Variants in COLEC12 observed in about 807,000 individuals in gnomAD.
The protein encoded by COLEC12 is collectin subfamily member 12.
In COLEC12, 33 loss-of-function variants were observed where a neutral mutation model predicts 71.1. That is an observed-to-expected ratio of 0.46 (90% CI 0.35 to 0.62). COLEC12 has a LOEUF of 0.62. Ranked by LOEUF, COLEC12 falls within the 20% of genes least tolerant of loss-of-function variation. COLEC12 has a pLI of 0.00. For synonymous variants in COLEC12, 350 were observed against 353.0 expected (o/e 0.99, Z 0.10); for missense variants, 765 against 916.1 (o/e 0.84, Z 2.13).
chr18:436,539 GA>G (rs1330848311), intron 2 of COLEC12, among the ~76,000 whole-genome samples: 2 of 60,056 alleles, frequency 3.3e-5, no homozygotes, highest in Admixed American at 1.9e-4. Context: ...GGGGGGGGGG[GA>G]AACAGGGGTG....
intron 2 of COLEC12, among the ~76,000 whole-genome samples, chr18:376,041 T>C (rs1915106079): frequency 6.6e-6 from 1 of 152,204 alleles, no homozygotes; most frequent in Non-Finnish European, 1.5e-5. Context: ...TCCACATTAG[T>C]GACTGGCAGA....
intron 3 of COLEC12, among the ~76,000 whole-genome samples, chr18:356,619 C>A (rs1914633607): frequency 6.6e-6 from 1 of 152,230 alleles, no homozygotes; most frequent in Admixed American, 6.5e-5. Context: ...TGCCTCTGTT[C>A]TGAAACCAAA....
chr18:444,191 T>A (rs1271751134), intron 2 of COLEC12, among the ~76,000 whole-genome samples: 2 of 152,256 alleles, frequency 1.3e-5, no homozygotes, highest in Non-Finnish European at 2.9e-5. Flanking sequence ...TGAGCAAGTA[T>A]CCTTCGGAAT....
rs751473894 is a variant in COLEC12 at position 334,828 on chromosome 18, T to C, written c.1730A>G (p.Lys577Arg). ...LPGVPGMPGPKGPPGPPGPSG... is the reference protein window; with the variant it reads ...LPGVPGMPGPRGPPGPPGPSG... ...TGGGCCAGGAGGGCCGGGGGGGCCC[T>C]TGGGGCCTGGCATGCCTGGTACCCC... Residue 577 changes from lysine (K) to arginine (R), a missense_variant, in exon 6 of 10, where the codon AAG becomes AGG. Physicochemically the swap from Lys to Arg is conservative, Grantham distance 26 (BLOSUM62 2). Coordinates refer to ENST00000400256, the MANE Select transcript of COLEC12 (RefSeq NM_130386.3). 2.0e-6 allele frequency: 3 copies of C among 1,520,896 alleles called. No homozygotes were observed. Among genetic ancestry groups the C allele is most frequent in the Admixed American group, 5.0e-5 (2 of 39,696 alleles). The allele number at this position is 1,520,896 out of a possible 1,614,324, so 94.2% of individuals were successfully genotyped here. A position where few individuals can be genotyped will look rare whatever the true frequency, so the allele number is the denominator to read the frequency against.
intron 2 of COLEC12, among the ~76,000 whole-genome samples, chr18:474,520 C>G (rs895872845): frequency 1.3e-5 from 2 of 152,092 alleles, no homozygotes; most frequent in Non-Finnish European, 2.9e-5. Context: ...GAAGGGAAAC[C>G]TAGGTGCATG....
At chr18:344,408 G>C (rs1230098803) in intron 5 of COLEC12, among the ~76,000 whole-genome samples, 1 of 152,226 alleles carries the variant, frequency 6.6e-6, no homozygotes, top group African/African-American at 2.4e-5. Flanking sequence ...CCACTGAACA[G>C]GCTCTCCTAG....
rs1163755079 is a variant in COLEC12 at position 435,042 on chromosome 18, T to A, written c.58+45665A>T. On this transcript the variant is annotated intron_variant, in intron 2 of 9. Coordinates refer to ENST00000400256, the MANE Select transcript of COLEC12 (RefSeq NM_130386.3). ...GACTTTGACCAGCAGCTTTCTGGTG[T>A]TTATTTAGCAACTATTCTGATATTT... Among the ~76,000 whole-genome samples the A allele has an allele frequency of 3.3e-5, 5 of 152,302 alleles. No homozygotes were observed. The East Asian group carries it at 9.6e-4, about 29-fold the overall frequency.
In COLEC12 at chr18:346,427, G is replaced by C; in HGVS notation, c.1195C>G (p.Leu399Val). Residue 399 changes from leucine (L) to valine (V), a missense_variant, in exon 5 of 10, where the codon CTC becomes GTC. Leu to Val is a conservative substitution (Grantham distance 32). Transcript: ENST00000400256. This position sits in a 1 kb window ranked among gnomAD's most constrained non-coding sequence, Gnocchi z 4.0. ...CTCATCAAATCTTGTTGCATCCTGA[G>C]AGAAACAGAATCCAAACGGATGTTG... is the stretch of plus-strand genomic sequence containing the variant. ...LANIRLDSVS[L>V]RMQQDLMRSR... is the part of the protein sequence containing the mutation. The C allele has an allele frequency of 2.5e-6, 4 of 1,614,110 alleles. No individual in the cohort carries two copies. The highest frequency in any genetic ancestry group is 3.4e-6 in the Non-Finnish European group (4 of 1,180,026).
Position 480,851 on chromosome 18 carries a change from G to T in COLEC12, c.8-94C>A. ...GCGACCTGCTTCATCGCCCCTGCTTGTCACAGCAGCTTTCCTTCTGCTCGT... is the reference window on the plus strand; with the variant it reads ...GCGACCTGCTTCATCGCCCCTGCTTTTCACAGCAGCTTTCCTTCTGCTCGT... On this transcript the variant is annotated intron_variant, in intron 1 of 9. Coordinates refer to ENST00000400256, the MANE Select transcript of COLEC12 (RefSeq NM_130386.3). This position sits in a 1 kb window ranked among gnomAD's most constrained non-coding sequence, Gnocchi z 4.1. 9.3e-7 allele frequency: 1 copy of T among 1,070,516 alleles called. No individual in the cohort carries two copies. Among genetic ancestry groups the T allele is most frequent in the Non-Finnish European group, 1.5e-6 (1 of 684,728 alleles). 66.3% of individuals were successfully genotyped at this position (1,070,516 alleles called of 1,614,324 possible).
chr18:464,618 C>T lies in COLEC12; in HGVS notation c.58+16089G>A, dbSNP rs144239863. Among the ~76,000 whole-genome samples, 488 of 152,290 alleles carry T rather than the reference C, an allele frequency of 3.2e-3. 4 individuals are homozygous for T. The highest frequency in any genetic ancestry group is 0.011 in the African/African-American group (455 of 41,564). On this transcript the variant is annotated intron_variant, in intron 2 of 9. Transcript: ENST00000400256. ...ATCTGGCTCCTCTATCCTCTATTTC[C>T]TTTCAAGCATTTCTCAAACTACAGT...
At chr18:389,233 G>C (rs866101731) in intron 2 of COLEC12, among the ~76,000 whole-genome samples, 9 of 151,234 alleles carry the variant, frequency 6.0e-5, no homozygotes, top group Middle Eastern at 3.4e-3. Context: ...ACACGGCCAT[G>C]ATATAGAATA....
At chr18:382,270 G>C (rs933474339) in intron 2 of COLEC12, among the ~76,000 whole-genome samples, 1 of 152,100 alleles carries the variant, frequency 6.6e-6, no homozygotes, top group Admixed American at 6.5e-5. Flanking sequence ...GGGAGTCCCT[G>C]TATAAATCAG....
At chr18:469,913 CAA>C (rs1484699840) in intron 2 of COLEC12, among the ~76,000 whole-genome samples, 1 of 151,724 alleles carries the variant, frequency 6.6e-6, no homozygotes, top group African/African-American at 2.4e-5. Flanking sequence ...GAAATTGAAA[CAA>C]GATGAATTAA....
chr18:428,728 GAAT>G (rs887525024), intron 2 of COLEC12, among the ~76,000 whole-genome samples: 3 of 152,028 alleles, frequency 2.0e-5, no homozygotes, highest in East Asian at 1.9e-4. Context: ...TAACTTGGGA[GAAT>G]AATAATAATT....
At chr18:474,292 G>T (rs927232125) in intron 2 of COLEC12, among the ~76,000 whole-genome samples, 5 of 152,170 alleles carry the variant, frequency 3.3e-5, no homozygotes, top group African/African-American at 1.2e-4. Flanking sequence ...GGTTTCTGGG[G>T]GAATTCAATG....
chr18:417,359 C>G (rs1021579291), intron 2 of COLEC12, among the ~76,000 whole-genome samples: 1 of 152,168 alleles, frequency 6.6e-6, no homozygotes, highest in Non-Finnish European at 1.5e-5. Context: ...TAAGGCAACG[C>G]CATCATAATC....
At chr18:497,685 C>A (rs1047130883) in intron 1 of COLEC12, among the ~76,000 whole-genome samples, 12 of 152,198 alleles carry the variant, frequency 7.9e-5, no homozygotes, top group Non-Finnish European at 1.5e-4. Flanking sequence ...CAGGCATGAG[C>A]CACTGCACCT....
At chr18:476,285 GT>G (rs1269063669) in intron 2 of COLEC12, among the ~76,000 whole-genome samples, 1 of 152,186 alleles carries the variant, frequency 6.6e-6, no homozygotes, top group Non-Finnish European at 1.5e-5. Flanking sequence ...CTGTTTCACA[GT>G]TTGCCATTAT....
Position 400,466 on chromosome 18 carries a change from C to T in COLEC12, c.59-42944G>A, listed in dbSNP as rs548653617. Among the ~76,000 whole-genome samples the T allele has an allele frequency of 4.6e-5, 7 of 152,292 alleles. No individual in the cohort carries two copies. The East Asian group carries it at 5.8e-4, about 13-fold the overall frequency. Reference sequence around the variant, plus strand: ...TCAGTAAAGCAATTTTAGCTCTAAACGGCATGTTTCCTTTCTTCTTTATTA... The same window carrying T: ...TCAGTAAAGCAATTTTAGCTCTAAATGGCATGTTTCCTTTCTTCTTTATTA... On this transcript the variant is annotated intron_variant, in intron 2 of 9. Transcript: ENST00000400256.
Sources: gnomAD v4.1 joint callset for allele counts (sites outside exome capture counted in the v4.1 genomes callset) on GRCh38, gnomAD v4.1.1 for gene constraint, Gnocchi (gnomAD v3.1) non-coding constraint, MANE v1.5 for transcripts, NCBI Gene and HGNC (gene_info 2026-07-23, HGNC 2026-07-21) for gene names.